ZDHHC8: variants seen among roughly 807,000 people sequenced by gnomAD.
The protein encoded by ZDHHC8 is palmitoyltransferase ZDHHC8.
In ZDHHC8, 24 loss-of-function variants were observed where a neutral mutation model predicts 61.2. The observed-to-expected ratio is 0.39, with a 90% CI of 0.28 to 0.55. The LOEUF (loss-of-function observed/expected upper bound fraction) is 0.55, where lower values mean the gene tolerates loss of function less well. ZDHHC8 is among the 20% of genes least tolerant of loss of function. The pLI is 0.60. For missense variants in ZDHHC8, 935 were observed against 1,102.1 expected (o/e 0.85, Z 2.15); for synonymous variants, 523 against 492.5 (o/e 1.06, Z -0.82).
chr22:20,143,704 G>A lies in ZDHHC8; in HGVS notation c.2074G>A (p.Ala692Thr), dbSNP rs1410233066. The A allele has an allele frequency of 6.8e-6, 11 of 1,610,324 alleles. No individual in the cohort carries two copies. Among genetic ancestry groups the A allele is most frequent in the South Asian group, 1.1e-5 (1 of 90,912 alleles). Residue 692 changes from alanine to threonine, a missense_variant, in exon 10 of 11, where the codon GCC becomes ACC. Physicochemically the swap from Ala to Thr is moderately conservative, Grantham distance 58. Around this residue, in one of 3 missense-constraint regions of ZDHHC8, gnomAD observed 692 missense variants for 731.4 expected, o/e 0.95. Transcript: ENST00000334554. ...ATCCTACGCGGGCCCCAAAGCTGTC[G>A]CCTTCATCCACACGGACCTCCCAGA... The part of the protein sequence containing the change: ...SPSYAGPKAV[A>T]FIHTDLPEPP...
Position 20,143,756 on chromosome 22 carries a change from G to T in ZDHHC8, c.2126G>T (p.Arg709Met). The change falls in exon 10 of 11, where the codon AGG becomes ATG. Residue 709 changes from arginine to methionine, a missense_variant and splice_region_variant. By Grantham distance (91) the Arg-to-Met change is moderately conservative. Transcript: ENST00000334554. ...CCACCGCCCTCGCTGACCGTGCAGA[G>T]GTGGGTGCCGGGAGGTGCGGGTGGG... ...PEPPPSLTVQ[R>M]DHPQLKTPPS... 6.2e-7 allele frequency: 1 copy of T among 1,604,708 alleles called. No individual in the cohort carries two copies. Among genetic ancestry groups the T allele is most frequent in the Non-Finnish European group, 8.5e-7 (1 of 1,178,714 alleles).
At position 20,139,644 on chromosome 22, in the gene ZDHHC8, C is replaced by T. The variant is rs1403504342; in HGVS notation, c.384+9C>T. 1 of 1,612,084 alleles carries T rather than the reference C, an allele frequency of 6.2e-7. No individual in the cohort carries two copies. Among genetic ancestry groups the T allele is most frequent in the Non-Finnish European group, 8.5e-7 (1 of 1,179,780 alleles). ...GTGACAACTGTGTAGAGGTGACCGC[C>T]CTGCTGCCCCGCGCTCCCCCAGCCC... is the stretch of plus-strand genomic sequence containing the variant. On this transcript the variant is annotated intron_variant, in intron 3 of 10. Coordinates refer to ENST00000334554, the MANE Select transcript of ZDHHC8 (RefSeq NM_013373.4).
chr22:20,137,408 G>A (rs1177826766), intron 1 of ZDHHC8, among the ~76,000 whole-genome samples: 1 of 152,224 alleles, frequency 6.6e-6, no homozygotes, highest in Non-Finnish European at 1.5e-5. Flanking sequence ...GTGCAGAGGG[G>A]CCCCGAGGCT....
intron 10 of ZDHHC8, among the ~76,000 whole-genome samples, chr22:20,144,715 T>C (rs974232734): frequency 6.6e-6 from 1 of 152,200 alleles, no homozygotes; most frequent in Admixed American, 6.5e-5. Flanking sequence ...GTGGGCAGCA[T>C]TGCAGCCAGG....
Position 20,141,449 on chromosome 22 carries a change from C to T in ZDHHC8, c.1044C>T (p.Ser348=), listed in dbSNP as rs1012582728. ...GTGCCCTGTCGGTGCAGAGGACCAGCCCCCCGACACCTGCCATGTACAAGT... is the reference window on the plus strand; with the variant it reads ...GTGCCCTGTCGGTGCAGAGGACCAGTCCCCCGACACCTGCCATGTACAAGT... ...AESALSVQRT[S]PPTPAMYKFR... is the part of the protein sequence containing the mutation. The change falls in exon 9 of 11, where the codon AGC becomes AGT. Residue 348 remains serine, a synonymous_variant. Coordinates refer to ENST00000334554, the MANE Select transcript of ZDHHC8 (RefSeq NM_013373.4). 3 of 1,613,246 alleles carry T rather than the reference C, an allele frequency of 1.9e-6. No homozygotes were observed. Among genetic ancestry groups the T allele is most frequent in the Admixed American group, 3.3e-5 (2 of 60,004 alleles).
At position 20,143,734 on chromosome 22, in the gene ZDHHC8, C is replaced by T; in HGVS notation, c.2104C>T (p.Pro702Ser). The T allele has an allele frequency of 3.1e-6, 5 of 1,609,382 alleles. No individual in the cohort carries two copies. The highest frequency in any genetic ancestry group is 4.2e-6 in the Non-Finnish European group (5 of 1,179,580). Reference sequence around the variant, plus strand: ...CATCCACACGGACCTCCCAGAGCCACCGCCCTCGCTGACCGTGCAGAGGTG... The same window carrying T: ...CATCCACACGGACCTCCCAGAGCCATCGCCCTCGCTGACCGTGCAGAGGTG... ...AFIHTDLPEPPPSLTVQRDHP... is the reference protein window; with the variant it reads ...AFIHTDLPEPSPSLTVQRDHP... Residue 702 changes from proline (P) to serine (S), a missense_variant, in exon 10 of 11, where the codon CCG becomes TCG. Around this residue, in one of 3 missense-constraint regions of ZDHHC8, gnomAD observed 692 missense variants for 731.4 expected, o/e 0.95. Transcript: ENST00000334554.
Position 20,143,390 on chromosome 22 carries a change from T to G in ZDHHC8, c.1760T>G (p.Leu587Arg), listed in dbSNP as rs745653559. Residue 587 changes from leucine to arginine, a missense_variant, in exon 10 of 11, where the codon CTG (leucine) becomes CGG (arginine). By Grantham distance (102) the Leu-to-Arg change is moderately radical. Transcript: ENST00000334554. ...TATGACGCTCCCAGCTCCTACAGCCTGCAGCAGGCCAGTGTGCTGTCCGAG... is the reference window on the plus strand; with the variant it reads ...TATGACGCTCCCAGCTCCTACAGCCGGCAGCAGGCCAGTGTGCTGTCCGAG... ...GVYDAPSSYS[L>R]QQASVLSEGP... 1 of 1,586,466 alleles carries G rather than the reference T, an allele frequency of 6.3e-7. No homozygotes were observed.
rs551884198 is a variant in ZDHHC8 at position 20,141,214 on chromosome 22, C to T, written c.895-3C>T. ...ACACACCACTGACCCCGCTCCCTCC[C>T]AGTCCAAGGGCAGCCTGGACCGGCT... On this transcript the variant is annotated splice_region_variant and splice_polypyrimidine_tract_variant and intron_variant, in intron 7 of 10. Transcript: ENST00000334554. 2 of 1,610,468 alleles carry T rather than the reference C, an allele frequency of 1.2e-6. No individual in the cohort carries two copies. Among genetic ancestry groups the T allele is most frequent in the East Asian group, 2.2e-5 (1 of 44,868 alleles).
chr22:20,137,880 G>C (rs1199132553), intron 1 of ZDHHC8, among the ~76,000 whole-genome samples: 1 of 152,256 alleles, frequency 6.6e-6, no homozygotes, highest in African/African-American at 2.4e-5. Context: ...AGCCCTCCCA[G>C]CAGAGGGAGG....
Position 20,140,707 on chromosome 22 carries a change from C to G in ZDHHC8, c.751C>G (p.Arg251Gly). Reference protein sequence around the residue: ...EHVLCSPLAPRYVVEPPRLPL... With the variant: ...EHVLCSPLAPGYVVEPPRLPL... ...CGTGCTGTGTAGCCCCCTGGCGCCCCGGTGAGGCCCGGCCTGGGCAGGGTG... is the reference window on the plus strand; with the variant it reads ...CGTGCTGTGTAGCCCCCTGGCGCCCGGGTGAGGCCCGGCCTGGGCAGGGTG... The change falls in exon 6 of 11, where the codon CGG becomes GGG. Residue 251 changes from arginine to glycine, a missense_variant and splice_region_variant. Coordinates refer to ENST00000334554, the MANE Select transcript of ZDHHC8 (RefSeq NM_013373.4). The G allele has an allele frequency of 1.2e-6, 2 of 1,609,480 alleles. No homozygotes were observed. Among genetic ancestry groups the G allele is most frequent in the East Asian group, 2.2e-5 (1 of 44,850 alleles).
In ZDHHC8 at chr22:20,145,232, C is replaced by A. The variant is rs2050510465; in HGVS notation, c.2130C>A (p.Asp710Glu). 6.7e-7 allele frequency: 1 copy of A among 1,487,036 alleles called. No homozygotes were observed. Among genetic ancestry groups the A allele is most frequent in the Admixed American group, 2.4e-5 (1 of 41,860 alleles). 92.1% of individuals were successfully genotyped at this position (1,487,036 alleles called of 1,614,324 possible). The change falls in exon 11 of 11, where the codon GAC becomes GAA. Residue 710 changes from aspartate to glutamate, a missense_variant. By Grantham distance (45) the Asp-to-Glu change is conservative. Transcript: ENST00000334554. The part of the protein sequence containing the change: ...EPPPSLTVQR[D>E]HPQLKTPPSK... ...GTATGTGCTTGTTTTGATGCAGGGA[C>A]CACCCTCAGCTGAAGACTCCCCCAA...
In ZDHHC8 at chr22:20,145,919, G is replaced by C; in HGVS notation, c.*519G>C. On this transcript the variant is annotated 3_prime_UTR_variant, in exon 11 of 11. Transcript: ENST00000334554. ...CTTTCACGGACCCCGCTGGAAGCTT[G>C]TAGCTTGGCAAGGCTGATGCTTCTG... The C allele has an allele frequency of 4.1e-6, 4 of 985,822 alleles. No homozygotes were observed. Among genetic ancestry groups the C allele is most frequent in the African/African-American group, 1.7e-5 (1 of 57,354 alleles). The allele number at this position is 985,822 out of a possible 1,614,324, so 61.1% of individuals were successfully genotyped here. A position where few individuals can be genotyped will look rare whatever the true frequency, so the allele number is the denominator to read the frequency against.
Position 20,146,869 on chromosome 22 carries a change from G to C in ZDHHC8, c.*1469G>C. Reference sequence around the variant, plus strand: ...CTCTCCTGCCTGCCACATGCCAGGGGCAGGGCTGAGGGAGTGTGAGGGATG... The same window carrying C: ...CTCTCCTGCCTGCCACATGCCAGGGCCAGGGCTGAGGGAGTGTGAGGGATG... On this transcript the variant is annotated 3_prime_UTR_variant, in exon 11 of 11. Transcript: ENST00000334554. 1 of 1,270,618 alleles carries C rather than the reference G, an allele frequency of 7.9e-7. No individual in the cohort carries two copies. The highest frequency in any genetic ancestry group is 1.5e-5 in the African/African-American group (1 of 64,584). 78.7% of individuals were successfully genotyped at this position (1,270,618 alleles called of 1,614,324 possible).
In ZDHHC8 at chr22:20,146,983, C is replaced by T. The variant is rs780945087; in HGVS notation, c.*1583C>T. Reference sequence around the variant, plus strand: ...TGTAGGGCCCCGAAGCTGACCTCCACCTTTCTGCTTCTCTCTCACGGACGC... The same window carrying T: ...TGTAGGGCCCCGAAGCTGACCTCCATCTTTCTGCTTCTCTCTCACGGACGC... On this transcript the variant is annotated 3_prime_UTR_variant, in exon 11 of 11. Coordinates refer to ENST00000334554, the MANE Select transcript of ZDHHC8 (RefSeq NM_013373.4). 2.2e-4 allele frequency: 304 copies of T among 1,387,552 alleles called. 2 individuals are homozygous for T. The highest frequency in any genetic ancestry group is 1.4e-3 in the Admixed American group (39 of 27,242). 86.0% of individuals were successfully genotyped at this position (1,387,552 alleles called of 1,614,324 possible).
intron 9 of ZDHHC8, among the ~76,000 whole-genome samples, chr22:20,142,473 C>T (rs1284989648): frequency 6.6e-6 from 1 of 152,226 alleles, no homozygotes; most frequent in Non-Finnish European, 1.5e-5. Context: ...GGCTCCTCCT[C>T]CCTCTGGCTG....
Position 20,147,256 on chromosome 22 carries a change from G to A in ZDHHC8, c.*1856G>A. ...GCAGGATGACAAGTAGGCGGCTCTG[G>A]GGCCCAGGACAGCCCAGCTGGGGAC... is the stretch of plus-strand genomic sequence containing the variant. On this transcript the variant is annotated 3_prime_UTR_variant, in exon 11 of 11. Transcript: ENST00000334554. 1 of 1,428,522 alleles carries A rather than the reference G, an allele frequency of 7.0e-7. No individual in the cohort carries two copies. Among genetic ancestry groups the A allele is most frequent in the East Asian group, 2.9e-5 (1 of 34,764 alleles). The allele number at this position is 1,428,522 out of a possible 1,614,324, so 88.5% of individuals were successfully genotyped here.
In ZDHHC8 at chr22:20,146,664, G is replaced by T. The variant is rs2050528251; in HGVS notation, c.*1264G>T. On this transcript the variant is annotated 3_prime_UTR_variant, in exon 11 of 11. Coordinates refer to ENST00000334554, the MANE Select transcript of ZDHHC8 (RefSeq NM_013373.4). Reference sequence around the variant, plus strand: ...TGGTCTGTGGCTGGGAAGTGTGAGGGTCTCTCGCCTTGGGTCTGTGTCAGT... The same window carrying T: ...TGGTCTGTGGCTGGGAAGTGTGAGGTTCTCTCGCCTTGGGTCTGTGTCAGT... The T allele has an allele frequency of 1.2e-5, 13 of 1,042,932 alleles. No individual in the cohort carries two copies. Among genetic ancestry groups the T allele is most frequent in the Non-Finnish European group, 1.5e-5 (13 of 867,830 alleles). 64.6% of individuals were successfully genotyped at this position (1,042,932 alleles called of 1,614,324 possible).
intron 1 of ZDHHC8, among the ~76,000 whole-genome samples, chr22:20,136,821 ATT>A (rs1339794543): frequency 6.6e-6 from 1 of 152,092 alleles, no homozygotes; most frequent in Non-Finnish European, 1.5e-5. Context: ...ATGCCTGTAT[ATT>A]TGTGTGTGTG....
Position 20,140,892 on chromosome 22 carries a change from G to A in ZDHHC8, c.774G>A (p.Arg258=), listed in dbSNP as rs1270477096. The change falls in exon 7 of 11, where the codon CGG becomes CGA. Residue 258 remains arginine (R), a synonymous_variant. Coordinates refer to ENST00000334554, the MANE Select transcript of ZDHHC8 (RefSeq NM_013373.4). ...LAPRYVVEPP[R]LPLAVSLKPP... The stretch of plus-strand genomic sequence containing the variant: ...GCAGGTACGTGGTGGAGCCACCCCG[G>A]CTGCCGCTCGCGGTGAGTTTGAAGC... 6.2e-7 allele frequency: 1 copy of A among 1,603,884 alleles called. No individual in the cohort carries two copies. The highest frequency in any genetic ancestry group is 8.5e-7 in the Non-Finnish European group (1 of 1,179,940).
Sources: allele counts gnomAD v4.1 joint callset (sites outside exome capture counted in the v4.1 genomes callset), GRCh38; gene constraint gnomAD v4.1.1; regional missense constraint gnomAD v4.1.1; transcripts MANE v1.5; gene names NCBI Gene and HGNC (gene_info 2026-07-23, HGNC 2026-07-21).